The following SLIT1 variants were observed in gnomAD, a reference collection of about 807,000 sequenced individuals.
The protein encoded by SLIT1 is slit guidance ligand 1.
A neutral mutation model predicts 186.1 loss-of-function variants in SLIT1; 66 were observed. The ratio of observed to expected loss-of-function variants is 0.35; its 90% CI spans 0.29 to 0.44. The LOEUF is 0.44. Ranked by LOEUF, SLIT1 falls within the 20% of genes least tolerant of loss-of-function variation. The pLI is 1.00. For missense variants in SLIT1, 1,638 were observed against 2,037.4 expected, an observed-to-expected ratio of 0.80 and a Z score of 3.77; for synonymous variants, 761 against 833.8, an observed-to-expected ratio of 0.91 and a Z score of 1.50.
intron 4 of SLIT1, chr10:97,153,450 T>C (rs530207427): frequency 6.6e-6 from 1 of 152,384 alleles, no homozygotes; most frequent in Non-Finnish European, 1.5e-5. Flanking sequence ...TGAAAGTCCA[T>C]AATTTGCTCC....
intron 23 of SLIT1, among the ~76,000 whole-genome samples, chr10:97,033,456 A>T (rs1564657930): frequency 6.6e-6 from 1 of 152,222 alleles, no homozygotes; most frequent in Non-Finnish European, 1.5e-5. Flanking sequence ...ATGGCCACAA[A>T]AAATGTTCAG....
intron 4 of SLIT1, among the ~76,000 whole-genome samples, chr10:97,120,075 C>T (rs1045211587): frequency 6.6e-6 from 1 of 151,746 alleles, no homozygotes; most frequent in Non-Finnish European, 1.5e-5. Context: ...GACATTTAAT[C>T]CTTATGAATA....
intron 4 of SLIT1, among the ~76,000 whole-genome samples, chr10:97,098,885 G>A (rs936198143): frequency 6.6e-6 from 1 of 152,182 alleles, no homozygotes; most frequent in Non-Finnish European, 1.5e-5. Context: ...GTATCACGTG[G>A]CTGTCAGTAG....
In SLIT1 at chr10:97,046,813, G is replaced by T. The variant is rs769191607; in HGVS notation, c.1710-16C>A. Reference sequence around the variant, plus strand: ...GCTCAGATTGCTGGGAGAAGAGGCGGGGGGAGGATTACATATGGCCAGCAG... The same window carrying T: ...GCTCAGATTGCTGGGAGAAGAGGCGTGGGGAGGATTACATATGGCCAGCAG... On this transcript the variant is annotated splice_polypyrimidine_tract_variant and intron_variant, in intron 17 of 36. Transcript: ENST00000266058. The T allele has an allele frequency of 1.6e-5, 25 of 1,609,572 alleles. No homozygotes were observed. The East Asian group carries it at 5.6e-4, about 36-fold the overall frequency.
At chr10:97,025,524 G>T (rs1328831858) in intron 25 of SLIT1, among the ~76,000 whole-genome samples, 2 of 152,082 alleles carry the variant, frequency 1.3e-5, no homozygotes, top group African/African-American at 4.8e-5. Flanking sequence ...CTTGTAGTTT[G>T]CATTCATCTG....
At position 96,998,783 on chromosome 10, in the gene SLIT1, G is replaced by A. The variant is rs1848272325; in HGVS notation, c.*2329C>T. The stretch of plus-strand genomic sequence containing the variant: ...CCATGTGGTGGGGCCGGTCAGGGGA[G>A]CCTTAAGCTCACATGGTGCTCCCTA... On this transcript the variant is annotated 3_prime_UTR_variant, in exon 37 of 37. Transcript: ENST00000266058. The A allele has an allele frequency of 6.6e-6, 1 of 152,382 alleles. No homozygotes were observed. Among genetic ancestry groups the A allele is most frequent in the Non-Finnish European group, 1.5e-5 (1 of 68,174 alleles). 9.4% of individuals were successfully genotyped at this position (152,382 alleles called of 1,614,324 possible). A position where few individuals can be genotyped will look rare whatever the true frequency, so the allele number is the denominator to read the frequency against.
chr10:97,016,043 A>G (rs1848452489), intron 28 of SLIT1, among the ~76,000 whole-genome samples: 1 of 152,210 alleles, frequency 6.6e-6, no homozygotes, highest in African/African-American at 2.4e-5. Context: ...GTGGGGTGGC[A>G]CATGCCTGTA....
chr10:97,009,309 A>G (rs965668494), intron 31 of SLIT1, among the ~76,000 whole-genome samples: 1 of 152,266 alleles, frequency 6.6e-6, no homozygotes, highest in African/African-American at 2.4e-5. Flanking sequence ...GATTAATGGA[A>G]TAGAACTTGA....
At chr10:97,063,252 G>T (rs1016447662) in intron 8 of SLIT1, among the ~76,000 whole-genome samples, 15 of 151,918 alleles carry the variant, frequency 9.9e-5, no homozygotes, top group Admixed American at 7.9e-4. Context: ...GTGGAGTCAG[G>T]AGGTGATGGA....
chr10:97,093,056 A>C (rs1849249851), intron 4 of SLIT1, among the ~76,000 whole-genome samples: 1 of 152,226 alleles, frequency 6.6e-6, no homozygotes, highest in Non-Finnish European at 1.5e-5. Flanking sequence ...TAACCACTGT[A>C]CAAAAAACTG....
At chr10:97,027,864 C>T (rs1848559581) in intron 25 of SLIT1, among the ~76,000 whole-genome samples, 1 of 152,102 alleles carries the variant, frequency 6.6e-6, no homozygotes, top group Non-Finnish European at 1.5e-5. Context: ...AAAAGGTAGC[C>T]AACTGCACAT....
chr10:97,138,201 G>A (rs1054987164), intron 4 of SLIT1, among the ~76,000 whole-genome samples: 3 of 152,296 alleles, frequency 2.0e-5, no homozygotes, highest in South Asian at 2.1e-4. Context: ...GGCTGATTGC[G>A]GAACCAATCT....
chr10:97,076,945 T>A (rs1398992578), intron 4 of SLIT1, among the ~76,000 whole-genome samples: 1 of 152,170 alleles, frequency 6.6e-6, no homozygotes, highest in East Asian at 1.9e-4. Context: ...TCCTTTAATC[T>A]GGTCCTCTAC....
chr10:97,013,420 A>G (rs1465488403), intron 30 of SLIT1, among the ~76,000 whole-genome samples: 2 of 152,176 alleles, frequency 1.3e-5, no homozygotes, highest in Non-Finnish European at 1.5e-5. Flanking sequence ...AGTGCTTTCC[A>G]TGCATTTTCT....
At chr10:97,061,111 G>A (rs962442623) in intron 8 of SLIT1, among the ~76,000 whole-genome samples, 2 of 152,194 alleles carry the variant, frequency 1.3e-5, no homozygotes, top group Non-Finnish European at 2.9e-5. Flanking sequence ...TTCTGAGCCT[G>A]AGTCCCCTCA....
chr10:97,122,825 G>A (rs1318839715), intron 4 of SLIT1, among the ~76,000 whole-genome samples: 1 of 152,008 alleles, frequency 6.6e-6, no homozygotes, highest in Non-Finnish European at 1.5e-5. Flanking sequence ...TCCTAGAGCT[G>A]CTTCTTCTCT....
At chr10:97,028,386 C>T (rs2134606920) in intron 25 of SLIT1, among the ~76,000 whole-genome samples, 1 of 152,200 alleles carries the variant, frequency 6.6e-6, no homozygotes, top group South Asian at 2.1e-4. Flanking sequence ...AACTCCCTAG[C>T]AGGCACAAAT....
At chr10:97,059,250 C>A (rs190636465) in intron 11 of SLIT1, among the ~76,000 whole-genome samples, 1 of 152,222 alleles carries the variant, frequency 6.6e-6, no homozygotes, top group African/African-American at 2.4e-5. Flanking sequence ...CCGCTCCCAG[C>A]GTCGGAGGGT....
chr10:97,150,528 C>T lies in SLIT1; in HGVS notation c.413+7290G>A, dbSNP rs1194356050. 2.6e-5 allele frequency among the ~76,000 whole-genome samples: 4 copies of T among 152,156 alleles called. No individual in the cohort carries two copies. The South Asian group carries it at 6.2e-4, about 24-fold the overall frequency. On this transcript the variant is annotated intron_variant, in intron 4 of 36. Coordinates refer to ENST00000266058, the MANE Select transcript of SLIT1 (RefSeq NM_003061.3). ...GGCCCTGTTAATGAGTTATGGTGGT[C>T]CTTACAGCAGGGATATAAATAAGGG...
Sources: gnomAD v4.1 joint callset for allele counts (sites outside exome capture counted in the v4.1 genomes callset) on GRCh38, gnomAD v4.1.1 for gene constraint, MANE v1.5 for transcripts, NCBI Gene and HGNC (gene_info 2026-07-23, HGNC 2026-07-21) for gene names.